The following MACROD2 variants were observed in gnomAD, a reference collection of about 807,000 sequenced individuals.
The protein encoded by MACROD2 is ADP-ribose glycohydrolase MACROD2.
MACROD2 carries 36 observed loss-of-function variants against 70.4 expected under a neutral mutation model. The ratio of observed to expected loss-of-function variants is 0.51; its 90% CI spans 0.39 to 0.68. The LOEUF (loss-of-function observed/expected upper bound fraction) is 0.68. MACROD2 is among the 30% of genes least tolerant of loss of function. MACROD2 has a pLI of 0.00. For missense variants in MACROD2, 496 were observed against 538.4 expected (o/e 0.92, Z 0.78); for synonymous variants, 172 against 178.8 (o/e 0.96, Z 0.30).
At chr20:15,200,605 A>C (rs1472702314) in intron 5 of MACROD2, among the ~76,000 whole-genome samples, 1 of 152,232 alleles carries the variant, frequency 6.6e-6, no homozygotes, top group Admixed American at 6.5e-5. Context: ...ATTTGCTAGC[A>C]ATCATTACAG....
intron 7 of MACROD2, among the ~76,000 whole-genome samples, chr20:15,450,207 T>C (rs1419763054): frequency 3.3e-5 from 5 of 152,012 alleles, no homozygotes; most frequent in Non-Finnish European, 7.4e-5. Flanking sequence ...CACATACATA[T>C]AGTGAAGTAT....
chr20:14,106,322 A>G (rs1483822397), intron 3 of MACROD2, among the ~76,000 whole-genome samples: 1 of 152,174 alleles, frequency 6.6e-6, no homozygotes. Context: ...GCCTTTGGAA[A>G]GGGGAAGGAA....
Position 16,050,408 on chromosome 20 carries a change from G to A in MACROD2, c.*532G>A, listed in dbSNP as rs1303749778. 1 of 152,446 alleles carries A rather than the reference G, an allele frequency of 6.6e-6. No homozygotes were observed. Among genetic ancestry groups the A allele is most frequent in the Non-Finnish European group, 1.5e-5 (1 of 68,230 alleles). The allele number at this position is 152,446 out of a possible 1,614,324, so 9.4% of individuals were successfully genotyped here. Reference sequence around the variant, plus strand: ...ACCACTTGGAAAAGGTCTGGACAATGAGGTGAAAATATTTTCTTCAGGGTT... The same window carrying A: ...ACCACTTGGAAAAGGTCTGGACAATAAGGTGAAAATATTTTCTTCAGGGTT... On this transcript the variant is annotated 3_prime_UTR_variant, in exon 18 of 18. Transcript: ENST00000684519.
chr20:15,152,018 G>A (rs1044614493), intron 5 of MACROD2, among the ~76,000 whole-genome samples: 5 of 151,908 alleles, frequency 3.3e-5, no homozygotes, highest in African/African-American at 1.2e-4. Context: ...GATTTGGGAT[G>A]AGTTGCATTG....
In MACROD2 at chr20:15,227,913, G is replaced by C. The variant is rs922858029; in HGVS notation, c.419-2027G>C. ...CCATTTGGGGAAATGCTGCTTTATAGAATTGTGTGTTATTCTGGTTCAATT... is the reference window on the plus strand; with the variant it reads ...CCATTTGGGGAAATGCTGCTTTATACAATTGTGTGTTATTCTGGTTCAATT... On this transcript the variant is annotated intron_variant, in intron 5 of 17. Transcript: ENST00000684519. Among the ~76,000 whole-genome samples the C allele has an allele frequency of 3.7e-5, 5 of 134,698 alleles. No homozygotes were observed. In the East Asian group the frequency reaches 1.2e-3, roughly 33 times the overall value. The allele number at this position is 134,698 out of a possible 152,430, so 88.4% of individuals were successfully genotyped here. A position where few individuals can be genotyped will look rare whatever the true frequency, so the allele number is the denominator to read the frequency against.
intron 9 of MACROD2, among the ~76,000 whole-genome samples, chr20:15,869,940 C>T (rs2064556209): frequency 1.3e-5 from 2 of 152,024 alleles, no homozygotes; most frequent in Non-Finnish European, 2.9e-5. Context: ...TTCTTAGATA[C>T]AGATAGCACT....
At chr20:15,638,246 C>T (rs565505360) in intron 8 of MACROD2, among the ~76,000 whole-genome samples, 1 of 152,324 alleles carries the variant, frequency 6.6e-6, no homozygotes, top group South Asian at 2.1e-4. Flanking sequence ...CCTTTGCCCT[C>T]TCACCAGACC....
chr20:15,110,068 A>C (rs1378745852), intron 5 of MACROD2, among the ~76,000 whole-genome samples: 1 of 152,094 alleles, frequency 6.6e-6, no homozygotes, highest in African/African-American at 2.4e-5. Flanking sequence ...AAAGTATGGA[A>C]AATTACAAAA....
At chr20:14,933,520 A>G (rs377341915) in intron 5 of MACROD2, among the ~76,000 whole-genome samples, 275 of 152,180 alleles carry the variant, frequency 1.8e-3, no homozygotes, top group African/African-American at 6.2e-3. Context: ...GCTCTAGAAA[A>G]GATAAGAGAT....
intron 8 of MACROD2, among the ~76,000 whole-genome samples, chr20:15,500,997 T>G (rs183485003): frequency 9.8e-5 from 15 of 152,304 alleles, no homozygotes; most frequent in Admixed American, 9.2e-4. Context: ...ACAACAACCT[T>G]ATGAAATCTC....
intron 9 of MACROD2, among the ~76,000 whole-genome samples, chr20:15,865,358 A>T (rs199697558): frequency 2.4e-4 from 35 of 148,028 alleles, no homozygotes; most frequent in Admixed American, 4.8e-4. Context: ...ATAATGATTA[A>T]TAATAATCAT....
At chr20:14,702,351 A>G (rs889726496) in intron 5 of MACROD2, among the ~76,000 whole-genome samples, 2 of 150,982 alleles carry the variant, frequency 1.3e-5, no homozygotes, top group African/African-American at 4.9e-5. Flanking sequence ...CCCTCTTTCC[A>G]TTCCTTGTCC....
At chr20:14,430,880 C>T (rs2122927728) in intron 3 of MACROD2, among the ~76,000 whole-genome samples, 1 of 152,226 alleles carries the variant, frequency 6.6e-6, no homozygotes, top group African/African-American at 2.4e-5. Flanking sequence ...TGCCTAGCAT[C>T]CCAAAACACG....
At chr20:15,861,715 C>A (rs768605160) in intron 8 of MACROD2, among the ~76,000 whole-genome samples, 16 of 152,128 alleles carry the variant, frequency 1.1e-4, no homozygotes, top group Non-Finnish European at 1.9e-4. Context: ...CCCTGTAGAT[C>A]TCCTTTTCTA....
At chr20:14,111,333 A>C (rs960936451) in intron 3 of MACROD2, among the ~76,000 whole-genome samples, 17 of 152,034 alleles carry the variant, frequency 1.1e-4, no homozygotes, top group African/African-American at 3.6e-4. Flanking sequence ...CTTCACAAGC[A>C]TAGGCAACCA....
At chr20:14,861,333 G>A (rs896252733) in intron 5 of MACROD2, among the ~76,000 whole-genome samples, 5 of 152,072 alleles carry the variant, frequency 3.3e-5, no homozygotes, top group African/African-American at 1.2e-4. Context: ...CTACTCATTG[G>A]AATATCAGGG....
intron 15 of MACROD2, among the ~76,000 whole-genome samples, chr20:16,002,774 C>G (rs1198678899): frequency 6.6e-6 from 1 of 152,114 alleles, no homozygotes; most frequent in African/African-American, 2.4e-5. Flanking sequence ...TGTGAAGCCA[C>G]TAAGTAATTT....
At chr20:15,916,808 TAC>T (rs762203330) in intron 10 of MACROD2, among the ~76,000 whole-genome samples, 22 of 152,350 alleles carry the variant, frequency 1.4e-4, no homozygotes, top group Middle Eastern at 3.4e-3. Flanking sequence ...AGCCAATTCC[TAC>T]ACTACAAGGG....
chr20:14,863,101 C>T (rs1233482899), intron 5 of MACROD2, among the ~76,000 whole-genome samples: 1 of 152,014 alleles, frequency 6.6e-6, no homozygotes, highest in Non-Finnish European at 1.5e-5. Context: ...ATCAGTAAAG[C>T]AGAAGCAAAT....
Sources: gnomAD v4.1 joint callset for allele counts (sites outside exome capture counted in the v4.1 genomes callset) on GRCh38, gnomAD v4.1.1 for gene constraint, MANE v1.5 for transcripts, NCBI Gene and HGNC (gene_info 2026-07-23, HGNC 2026-07-21) for gene names.